Variants in RPL30 observed in about 807,000 individuals in gnomAD.
RPL30 encodes large ribosomal subunit protein eL30.
For missense variants in RPL30, 60 were observed against 138.0 expected, an observed-to-expected ratio of 0.43 and a Z score of 2.83; for synonymous variants, 40 against 50.4, an observed-to-expected ratio of 0.79 and a Z score of 0.87.
intron 3 of RPL30, chr8:98,043,003 T>C (rs1814406642): frequency 5.0e-6 from 2 of 399,386 alleles, no homozygotes; most frequent in Admixed American, 4.2e-5. Context: ...ACCCCTACTA[T>C]GTTTAAGACA....
At chr8:98,042,854 A>C in intron 3 of RPL30, 79 bp from the exon 4 acceptor site, 1 of 1,364,462 alleles carries the variant, frequency 7.3e-7, no homozygotes, top group Non-Finnish European at 9.8e-7. Context: ...TTCTTTTACT[A>C]GTGTTAATGT....
intron 3 of RPL30, chr8:98,043,215 C>T (rs1814411967): frequency 6.6e-6 from 1 of 152,514 alleles, no homozygotes; most frequent in Admixed American, 6.5e-5. Flanking sequence ...CAACTTCCAC[C>T]TCCCGAGTTC....
At chr8:98,042,433 C>A (rs184031846) in intron 4 of RPL30, 7,200 of 510,186 alleles carry the variant, frequency 0.014, 90 homozygotes, top group South Asian at 0.032. Flanking sequence ...CATTATCTGA[C>A]AGTAAAAATT....
chr8:98,043,388 A>T (rs189026973), intron 3 of RPL30: 1 of 149,522 alleles, frequency 6.7e-6, no homozygotes, highest in Non-Finnish European at 1.5e-5. Flanking sequence ...AGCCTCCCAA[A>T]GTGCTGGGAT....
At chr8:98,042,017 G>A (rs201105640) in intron 4 of RPL30, 167 bp from the exon 5 acceptor site, 318 of 718,158 alleles carry the variant, frequency 4.4e-4, no homozygotes, top group Non-Finnish European at 7.5e-4. Flanking sequence ...TTTTTCTTAA[G>A]GTTGACCAAA....
intron 2 of RPL30, 118 bp downstream of exon 2, chr8:98,045,229 C>A: frequency 6.4e-7 from 1 of 1,557,188 alleles, no homozygotes. Context: ...GGGATTCCTT[C>A]TGGGGCCCTC....
chr8:98,042,846 C>G, intron 3 of RPL30, 71 bp from the exon 4 acceptor site: 2 of 1,397,792 alleles, frequency 1.4e-6, no homozygotes, highest in Non-Finnish European at 1.9e-6. Context: ...GTTACTACTT[C>G]TTTTACTAGT....
rs138153409 is a variant in RPL30, at chr8:98,042,538, C to A, written c.298+107G>T. The A allele has an allele frequency of 7.8e-4, 843 of 1,076,058 alleles. 1 individual carries two copies. The highest frequency in any genetic ancestry group is 1.1e-3 in the Non-Finnish European group (798 of 739,156). The allele number at this position is 1,076,058 out of a possible 1,614,324, so 66.7% of individuals were successfully genotyped here. A position where few individuals can be genotyped will look rare whatever the true frequency, so the allele number is the denominator to read the frequency against. On this transcript the variant is annotated intron_variant, in intron 4 of 4. Transcript: ENST00000287038. ...CGATATGCCTTGCTAGATCCATATT[C>A]TATCTGAATTTAGGAACCAAAGACA...
intron 2 of RPL30, 66 bp downstream of exon 2, chr8:98,045,281 C>T: frequency 6.2e-7 from 1 of 1,609,146 alleles, no homozygotes; most frequent in East Asian, 2.2e-5. Flanking sequence ...GGGCTCACAT[C>T]TGCCCGCCCT....
intron 3 of RPL30, chr8:98,043,428 A>G (rs1354002064): frequency 1.8e-5 from 1 of 54,464 alleles, no homozygotes; most frequent in Non-Finnish European, 4.0e-5. Context: ...ACACAGCCCT[A>G]TTCTTTTTTT....
chr8:98,044,928 A>G lies in RPL30; in HGVS notation c.167+15T>C. On this transcript the variant is annotated intron_variant, in intron 3 of 4. Transcript: ENST00000287038. ...AATTCGCGGTAGGCGAAGCCCGTTC[A>G]GTCTCTTCGATTACCTCAAAGCTGG... 2 of 1,610,936 alleles carry G rather than the reference A, an allele frequency of 1.2e-6. No homozygotes were observed. Among genetic ancestry groups the G allele is most frequent in the South Asian group, 1.1e-5 (1 of 90,820 alleles).
chr8:98,042,122 A>AAG (rs775438219), intron 4 of RPL30: 13 of 635,386 alleles, frequency 2.0e-5, no homozygotes, highest in Non-Finnish European at 3.3e-5. Flanking sequence ...GACCTAGGGA[A>AAG]AGAACTAGGT....
At chr8:98,042,994 C>A (rs2877453) in intron 3 of RPL30, 141,312 of 441,586 alleles carry the variant, frequency 0.32, 26,507 homozygotes, top group Non-Finnish European at 0.4. Context: ...ATCTAATCAA[C>A]CCCTACTATG....
At chr8:98,045,187 G>A (rs74971161) in intron 2 of RPL30, 99 bp from the exon 3 acceptor site, 34,326 of 1,549,788 alleles carry the variant, frequency 0.022, 454 homozygotes, top group Non-Finnish European at 0.027. Context: ...AACTTCCGAA[G>A]TCGAGGACCC....
chr8:98,043,054 A>C (rs1320231661), intron 3 of RPL30: 2 of 245,682 alleles, frequency 8.1e-6, no homozygotes, highest in Non-Finnish European at 1.6e-5. Context: ...CAAATAAAAG[A>C]AAGCAAAGCA....
intron 3 of RPL30, chr8:98,044,719 CCACA>C (rs927841157): frequency 2.2e-4 from 113 of 522,078 alleles, no homozygotes; most frequent in African/African-American, 1.8e-3. Flanking sequence ...TTCACTCCTG[CCACA>C]CACACACATT....
intron 4 of RPL30, 179 bp downstream of exon 4, chr8:98,042,466 A>G (rs565350378): frequency 7.4e-5 from 44 of 595,830 alleles, no homozygotes; most frequent in Non-Finnish European, 1.1e-4. Flanking sequence ...AAAGCCAATT[A>G]TAATGTATTG....
Position 98,044,997 on chromosome 8 carries a change from A to T in RPL30, c.113T>A (p.Ile38Asn). The change falls in exon 3 of 5, where the codon ATC becomes AAC. Residue 38 changes from isoleucine to asparagine, a missense_variant. Physicochemically the swap from Ile to Asn is moderately radical, Grantham distance 149. Transcript: ENST00000287038. Reference sequence around the variant, plus strand: ...GACCAATTTCGCTTTGCCTTGTCTGATCATCTTCAGAGTCTGCTTGTACCC... The same window carrying T: ...GACCAATTTCGCTTTGCCTTGTCTGTTCATCTTCAGAGTCTGCTTGTACCC... ...VLGYKQTLKM[I>N]RQGKAKLVIL... 2 of 1,614,050 alleles carry T rather than the reference A, an allele frequency of 1.2e-6. No individual in the cohort carries two copies. Among genetic ancestry groups the T allele is most frequent in the Non-Finnish European group, 1.7e-6 (2 of 1,180,010 alleles).
At chr8:98,041,936 C>T in intron 4 of RPL30, 86 bp from the exon 5 acceptor site, 1 of 988,386 alleles carries the variant, frequency 1.0e-6, no homozygotes, top group Non-Finnish European at 1.6e-6. Context: ...TTTGGTTATC[C>T]CTTCTGTAGA....
Sources: gnomAD v4.1 joint callset for allele counts on GRCh38, gnomAD v4.1.1 for gene constraint, MANE v1.5 for transcripts, NCBI Gene and HGNC (gene_info 2026-07-23, HGNC 2026-07-21) for gene names.